The following NPIPB2 variants were observed in gnomAD, a reference collection of about 807,000 sequenced individuals.
NPIPB2 encodes nuclear pore complex interacting protein family member B2, also known as nuclear pore complex-interacting protein family member B2.
Under a neutral mutation model 30.8 loss-of-function variants are expected in NPIPB2, and 27 were observed. The observed-to-expected ratio is 0.88, with a 90% CI of 0.65 to 1.21. The LOEUF is 1.21. Ranked by LOEUF, NPIPB2 falls within the 50% of genes most tolerant of loss-of-function variation. The pLI is 0.00. For missense variants in NPIPB2, 440 were observed against 446.2 expected, an observed-to-expected ratio of 0.99 and a Z score of 0.13; for synonymous variants, 147 against 162.0, an observed-to-expected ratio of 0.91 and a Z score of 0.70.
chr16:11,965,451 G>T (rs760559467), intron 1 of NPIPB2: 2 of 1,613,864 alleles, frequency 1.2e-6, no homozygotes, highest in East Asian at 2.2e-5. Context: ...TTATTGTAAT[G>T]CAAGTAAGTA....
chr16:11,954,723 C>A (rs550337757), intron 1 of NPIPB2, among the ~76,000 whole-genome samples: 1 of 151,634 alleles, frequency 6.6e-6, no homozygotes, highest in African/African-American at 2.4e-5. Flanking sequence ...CTGGCTAACA[C>A]GGTGAAACCC....
chr16:11,959,405 GA>G (rs1442361077), intron 1 of NPIPB2, among the ~76,000 whole-genome samples: 2 of 152,038 alleles, frequency 1.3e-5, no homozygotes, highest in African/African-American at 4.8e-5. Context: ...AGCAGAGCAA[GA>G]CCCTGCCCTT....
chr16:11,936,265 T>C (rs1241452978), intron 2 of NPIPB2, among the ~76,000 whole-genome samples: 2 of 151,444 alleles, frequency 1.3e-5, no homozygotes, highest in Non-Finnish European at 2.9e-5. Context: ...GGTCACACCA[T>C]TATACTCCAG....
intron 1 of NPIPB2, among the ~76,000 whole-genome samples, chr16:11,966,593 T>C (rs2055196149): frequency 6.6e-6 from 1 of 152,216 alleles, no homozygotes; most frequent in African/African-American, 2.4e-5. Flanking sequence ...TTGAAAGTAC[T>C]AAGGCTTTCT....
chr16:11,932,302 A>G (rs891582455), intron 4 of NPIPB2, among the ~76,000 whole-genome samples: 118 of 151,912 alleles, frequency 7.8e-4, no homozygotes, highest in Admixed American at 2.7e-3. Flanking sequence ...GCAAAATACA[A>G]TGTAATATGA....
chr16:11,971,102 C>T (rs934125325), intron 1 of NPIPB2, among the ~76,000 whole-genome samples: 3 of 151,602 alleles, frequency 2.0e-5, no homozygotes, highest in Admixed American at 6.6e-5. Context: ...AGCGATCCTC[C>T]GACCTTGGCC....
At chr16:11,957,589 T>C (rs796504396) in intron 1 of NPIPB2, among the ~76,000 whole-genome samples, 9 of 152,300 alleles carry the variant, frequency 5.9e-5, no homozygotes, top group African/African-American at 2.2e-4. Context: ...CCACCGTGCC[T>C]GGCCCTTAAA....
chr16:11,941,456 GAGA>G (rs1567469456), intron 1 of NPIPB2, among the ~76,000 whole-genome samples: 1 of 147,738 alleles, frequency 6.8e-6, no homozygotes, highest in African/African-American at 2.6e-5. Flanking sequence ...GGAGGAGGAG[GAGA>G]AGAAGAAAGG....
chr16:11,934,553 CA>C (rs1184843851), intron 2 of NPIPB2, among the ~76,000 whole-genome samples: 27,661 of 73,048 alleles, frequency 0.38, 3,363 homozygotes, highest in Admixed American at 0.41. Context: ...AACTCTGTCT[CA>C]AAAAAAAAAA....
chr16:11,954,320 C>G (rs1416875537), intron 1 of NPIPB2, among the ~76,000 whole-genome samples: 1 of 151,308 alleles, frequency 6.6e-6, no homozygotes, highest in Admixed American at 6.6e-5. Context: ...GACCCCATCT[C>G]TGAAAAAAAA....
upstream of NPIPB2, among the ~76,000 whole-genome samples, chr16:11,946,567 T>C (rs1276193371): frequency 6.6e-6 from 1 of 151,810 alleles, no homozygotes; most frequent in East Asian, 1.9e-4. Context: ...AGTGAGACCA[T>C]ATCTTTAAGA....
At chr16:11,944,200 T>G (rs1179287897), upstream of NPIPB2, among the ~76,000 whole-genome samples, 1 of 150,328 alleles carries the variant, frequency 6.7e-6, no homozygotes, top group Non-Finnish European at 1.5e-5. Context: ...GATGGAGTCT[T>G]GCTCTGTCGC....
At chr16:11,951,738 C>CT (rs1051520843) in intron 1 of NPIPB2, among the ~76,000 whole-genome samples, 3 of 151,678 alleles carry the variant, frequency 2.0e-5, no homozygotes, top group African/African-American at 7.3e-5. Flanking sequence ...ATAGAAACCC[C>CT]TGGAGTAGGC....
intron 1 of NPIPB2, among the ~76,000 whole-genome samples, chr16:11,962,631 C>CAAAAAAAAAAAAAAAAAAAAAAAAAAAAA (rs910336057): frequency 8.5e-6 from 1 of 117,508 alleles, no homozygotes; most frequent in African/African-American, 3.0e-5. Context: ...AAAAAAAAAC[C>CAAAAAAAAAAAAAAAAAAAAAAAAAAAAA]AAAAAAAAAG....
chr16:11,975,141 CTTTTTTTT>C (rs1195309022), intron 1 of NPIPB2, among the ~76,000 whole-genome samples: 5 of 37,508 alleles, frequency 1.3e-4, no homozygotes, highest in African/African-American at 4.7e-4. Flanking sequence ...AATCCATCAC[CTTTTTTTT>C]TTTTTTTTTT....
At chr16:11,954,512 T>A (rs1476886181) in intron 1 of NPIPB2, among the ~76,000 whole-genome samples, 2 of 151,244 alleles carry the variant, frequency 1.3e-5, no homozygotes, top group Non-Finnish European at 2.9e-5. Flanking sequence ...AAAAGAATGT[T>A]AACTTTAAAA....
chr16:11,967,711 C>G, intron 1 of NPIPB2: 2 of 1,614,206 alleles, frequency 1.2e-6, no homozygotes, highest in Middle Eastern at 1.6e-4. Flanking sequence ...AAGGTCGACT[C>G]TGACCATTGC....
At chr16:11,948,313 G>A (rs534672464) in intron 1 of NPIPB2, among the ~76,000 whole-genome samples, 1 of 152,244 alleles carries the variant, frequency 6.6e-6, no homozygotes, top group South Asian at 2.1e-4. Context: ...ACCAATGGCT[G>A]CCGATACCAC....
At chr16:11,942,161 G>A (rs1415233457), upstream of NPIPB2, 1 of 1,498,202 alleles carries the variant, frequency 6.7e-7, no homozygotes, top group African/African-American at 1.4e-5. Context: ...AAGCATGCAT[G>A]GTACATTTAC....
Sources: allele counts gnomAD v4.1 joint callset (sites outside exome capture counted in the v4.1 genomes callset), GRCh38; gene constraint gnomAD v4.1.1; transcripts MANE v1.5; gene names NCBI Gene and HGNC (gene_info 2026-07-23, HGNC 2026-07-21).